Variants in HHLA1 observed in about 807,000 individuals in gnomAD.
The protein encoded by HHLA1 is HHLA1 neighbor of OC90.
Under a neutral mutation model 69.9 loss-of-function variants are expected in HHLA1, and 72 were observed. That is an observed-to-expected ratio of 1.03 (90% CI 0.85 to 1.25). HHLA1 has a LOEUF of 1.25. Ranked by LOEUF, HHLA1 falls within the 50% of genes most tolerant of loss-of-function variation. The probability of loss-of-function intolerance (pLI) is 0.00; values close to 1 mark genes in which losing one functional copy is unlikely to be tolerated. For synonymous variants in HHLA1, 252 were observed against 233.2 expected (o/e 1.08, Z -0.73); for missense variants, 685 against 642.2 (o/e 1.07, Z -0.72).
intron 15 of HHLA1, chr8:132,070,523 TAACTC>T (rs894279325): frequency 1.3e-5 from 8 of 620,054 alleles, no homozygotes; most frequent in Middle Eastern, 2.5e-4. Context: ...CAAGTTAACT[TAACTC>T]AACACAACAT....
At chr8:132,087,007 T>A (rs765434066) in intron 10 of HHLA1, among the ~76,000 whole-genome samples, 1 of 152,226 alleles carries the variant, frequency 6.6e-6, no homozygotes, top group Non-Finnish European at 1.5e-5. Flanking sequence ...CATAGAAATG[T>A]CAACTGTGTT....
intron 15 of HHLA1, among the ~76,000 whole-genome samples, chr8:132,066,412 G>A (rs1257300619): frequency 1.3e-5 from 2 of 152,226 alleles, no homozygotes; most frequent in African/African-American, 2.4e-5. Flanking sequence ...ATTTTAGTGG[G>A]AGATGAGAGA....
chr8:132,080,037 T>A, intron 10 of HHLA1, 71 bp from the exon 11 acceptor site: 4 of 1,516,298 alleles, frequency 2.6e-6, no homozygotes, highest in Non-Finnish European at 2.7e-6. Context: ...GAAAGGTCAC[T>A]GGACTGCAAA....
intron 11 of HHLA1, among the ~76,000 whole-genome samples, chr8:132,078,383 T>A (rs746570212): frequency 6.6e-6 from 1 of 152,146 alleles, no homozygotes; most frequent in Non-Finnish European, 1.5e-5. Context: ...GGTGTGAACT[T>A]TGGGGCAAAT....
At chr8:132,077,497 T>A (rs1349119682) in intron 12 of HHLA1, among the ~76,000 whole-genome samples, 1 of 151,708 alleles carries the variant, frequency 6.6e-6, no homozygotes, top group African/African-American at 2.4e-5. Flanking sequence ...TGCGATTACA[T>A]AAAAGAGAGA....
At chr8:132,101,096 C>T in intron 3 of HHLA1, 1 of 1,385,574 alleles carries the variant, frequency 7.2e-7, no homozygotes, top group Non-Finnish European at 9.5e-7. Context: ...ATGACCATTG[C>T]AACAATAGGT....
chr8:132,103,915 G>A (rs1824158759), intron 3 of HHLA1, among the ~76,000 whole-genome samples, 193 bp downstream of exon 3: 1 of 152,150 alleles, frequency 6.6e-6, no homozygotes, highest in Admixed American at 6.5e-5. Flanking sequence ...CAGTCTTTGT[G>A]GATTTATTAA....
At chr8:132,088,973 A>T (rs992055555) in intron 8 of HHLA1, among the ~76,000 whole-genome samples, 10 of 152,210 alleles carry the variant, frequency 6.6e-5, no homozygotes, top group Admixed American at 2.0e-4. Flanking sequence ...TCCACAGTGC[A>T]TCACACCGTC....
At chr8:132,079,211 C>T (rs1215474007) in intron 11 of HHLA1, among the ~76,000 whole-genome samples, 1 of 152,230 alleles carries the variant, frequency 6.6e-6, no homozygotes, top group East Asian at 1.9e-4. Flanking sequence ...GCAGCTTTCC[C>T]ACTGGTGTTA....
chr8:132,066,921 C>T (rs1379187687), intron 15 of HHLA1, among the ~76,000 whole-genome samples: 1 of 152,190 alleles, frequency 6.6e-6, no homozygotes, highest in East Asian at 1.9e-4. Context: ...GCAATAAGAT[C>T]AGTATTTGAG....
chr8:132,068,143 A>C (rs372883906), intron 15 of HHLA1, among the ~76,000 whole-genome samples: 1 of 152,238 alleles, frequency 6.6e-6, no homozygotes, highest in Non-Finnish European at 1.5e-5. Flanking sequence ...CTAGATGGAC[A>C]ACATCATCCA....
intron 10 of HHLA1, among the ~76,000 whole-genome samples, chr8:132,081,482 C>G (rs1050203312): frequency 2.6e-5 from 4 of 152,034 alleles, no homozygotes; most frequent in African/African-American, 9.7e-5. Flanking sequence ...GACGGAGGAC[C>G]GTAAGGGATA....
In HHLA1 at chr8:132,098,932, G is replaced by T; in HGVS notation, c.230C>A (p.Ala77Glu). The T allele has an allele frequency of 6.4e-7, 1 of 1,551,210 alleles. No homozygotes were observed. Among genetic ancestry groups the T allele is most frequent in the Non-Finnish European group, 8.7e-7 (1 of 1,146,580 alleles). ...ELPARSIDLS[A>E]LNLTELVNGM... ...ATTCACAAGCTCTGTCAGGTTAAGC[G>T]CGGACAGATCGATTGACCTTGCGGG... The change falls in exon 5 of 17, where the codon GCG (alanine) becomes GAG (glutamate). Residue 77 changes from alanine to glutamate, a missense_variant. Ala to Glu is a moderately radical substitution (Grantham distance 107, BLOSUM62 -1). Transcript: ENST00000414222.
At chr8:132,104,487 G>A (rs76039665) in intron 2 of HHLA1, among the ~76,000 whole-genome samples, 5,423 of 152,292 alleles carry the variant, frequency 0.036, 169 homozygotes, top group African/African-American at 0.081. Context: ...GGCTGATCTA[G>A]TCTCGGGAAT....
chr8:132,070,319 TTTTAA>T (rs918653147), intron 15 of HHLA1: 5 of 702,062 alleles, frequency 7.1e-6, no homozygotes, highest in African/African-American at 7.0e-5. Context: ...AGGTTCTGCT[TTTTAA>T]TTTAAGTTTT....
intron 10 of HHLA1, among the ~76,000 whole-genome samples, chr8:132,083,314 G>C (rs1300033059): frequency 6.6e-6 from 1 of 152,022 alleles, no homozygotes; most frequent in African/African-American, 2.4e-5. Flanking sequence ...TAGAAGCCTG[G>C]CCGTCAATAC....
chr8:132,080,464 T>A (rs1823732051), intron 10 of HHLA1: 1 of 259,874 alleles, frequency 3.8e-6, no homozygotes, highest in Non-Finnish European at 7.5e-6. Flanking sequence ...GTGGGGGTGC[T>A]TTTTGAGCCA....
At chr8:132,076,589 G>T in intron 12 of HHLA1, 46 bp from the exon 13 acceptor site, 2 of 1,325,160 alleles carry the variant, frequency 1.5e-6, no homozygotes, top group Non-Finnish European at 2.0e-6. Flanking sequence ...CTTCTAGGGG[G>T]CCCTGAGGGA....
In HHLA1 at chr8:132,093,156, T is replaced by C. The variant is rs1050406580; in HGVS notation, c.448+2363A>G. ...TACATAGGTAGATAGGTAGGTTAGATAAGTAGCTTAGATGACAGGTTGGAT... is the reference window on the plus strand; with the variant it reads ...TACATAGGTAGATAGGTAGGTTAGACAAGTAGCTTAGATGACAGGTTGGAT... On this transcript the variant is annotated intron_variant, in intron 7 of 16. Transcript: ENST00000414222. Among the ~76,000 whole-genome samples, 3 of 152,160 alleles carry C rather than the reference T, an allele frequency of 2.0e-5. 1 individual carries two copies. The highest frequency in any genetic ancestry group is 2.0e-4 in the Admixed American group (3 of 15,268).
Sources: gnomAD v4.1 joint callset for allele counts (sites outside exome capture counted in the v4.1 genomes callset) on GRCh38, gnomAD v4.1.1 for gene constraint, MANE v1.5 for transcripts, NCBI Gene and HGNC (gene_info 2026-07-23, HGNC 2026-07-21) for gene names.